Variants in PTPRN2 observed in about 807,000 individuals in gnomAD.
PTPRN2 encodes receptor-type tyrosine-protein phosphatase N2.
PTPRN2 carries 74 observed loss-of-function variants against 118.8 expected under a neutral mutation model. The ratio of observed to expected loss-of-function variants is 0.62; its 90% confidence interval spans 0.52 to 0.76. The LOEUF (loss-of-function observed/expected upper bound fraction) is 0.76, where lower values mean the gene tolerates loss of function less well. PTPRN2 is among the 30% of genes least tolerant of loss of function. The pLI is 0.00. For synonymous variants in PTPRN2, 641 were observed against 608.0 expected, an observed-to-expected ratio of 1.05 and a Z score of -0.80; for missense variants, 1,481 against 1,394.4, an observed-to-expected ratio of 1.06 and a Z score of -0.99.
intron 14 of PTPRN2, among the ~76,000 whole-genome samples, chr7:157,630,522 C>T (rs1220748745): frequency 2.0e-5 from 3 of 152,218 alleles, no homozygotes; most frequent in Non-Finnish European, 4.4e-5. Flanking sequence ...CCCGTCACGG[C>T]AGCACCTTTG....
chr7:157,932,334 G>A (rs1799408266), intron 11 of PTPRN2, among the ~76,000 whole-genome samples: 1 of 152,224 alleles, frequency 6.6e-6, no homozygotes, highest in Non-Finnish European at 1.5e-5. Flanking sequence ...GCCCACATGA[G>A]GCCCTGCATA....
At chr7:158,451,121 G>A (rs985687409) in intron 2 of PTPRN2, among the ~76,000 whole-genome samples, 10 of 152,184 alleles carry the variant, frequency 6.6e-5, no homozygotes, top group East Asian at 5.8e-4. Context: ...ACCATTTTAC[G>A]TATTTCTCAG....
chr7:157,541,695 G>C (rs1798021904), intron 22 of PTPRN2, among the ~76,000 whole-genome samples: 1 of 152,228 alleles, frequency 6.6e-6, no homozygotes, highest in African/African-American at 2.4e-5. Flanking sequence ...ACTTCTGGAA[G>C]GAAAGCCCTG....
intron 19 of PTPRN2, among the ~76,000 whole-genome samples, chr7:157,572,855 C>T (rs1034402332): frequency 6.6e-6 from 1 of 152,238 alleles, no homozygotes; most frequent in Non-Finnish European, 1.5e-5. Flanking sequence ...CAGGCACAAC[C>T]AGCAACGGCC....
At chr7:157,664,423 C>T (rs1204674351) in intron 13 of PTPRN2, among the ~76,000 whole-genome samples, 1 of 152,228 alleles carries the variant, frequency 6.6e-6, no homozygotes, top group Admixed American at 6.5e-5. Flanking sequence ...ACAGAAATGG[C>T]CATCGCCACT....
At chr7:157,891,297 G>A (rs1796785157) in intron 12 of PTPRN2, among the ~76,000 whole-genome samples, 1 of 152,174 alleles carries the variant, frequency 6.6e-6, no homozygotes, top group African/African-American at 2.4e-5. Context: ...GCACAGACAG[G>A]AAATGACAGG....
intron 10 of PTPRN2, among the ~76,000 whole-genome samples, chr7:158,082,419 AC>A (rs767206283): frequency 6.6e-6 from 1 of 151,968 alleles, no homozygotes; most frequent in Non-Finnish European, 1.5e-5. Context: ...CTCAGTCCCA[AC>A]CTCTGGTCTT....
intron 6 of PTPRN2, among the ~76,000 whole-genome samples, chr7:158,145,991 G>C (rs1306021852): frequency 6.6e-6 from 1 of 152,200 alleles, no homozygotes; most frequent in Non-Finnish European, 1.5e-5. Flanking sequence ...CATACTGTAA[G>C]TGCTTAATAA....
In PTPRN2 at chr7:158,563,064, C is replaced by G. The variant is rs1020301919; in HGVS notation, c.112+24494G>C. On this transcript the variant is annotated intron_variant, in intron 1 of 22. Coordinates refer to ENST00000389418, the MANE Select transcript of PTPRN2 (RefSeq NM_002847.5). The surrounding 1 kb of genome is among the most constrained non-coding windows in gnomAD (Gnocchi z 5.1). Reference sequence around the variant, plus strand: ...CTCCTGGTTTCAGAGAAATCAACCACGGCCACAGCCTCGTCCACATAGAGC... The same window carrying G: ...CTCCTGGTTTCAGAGAAATCAACCAGGGCCACAGCCTCGTCCACATAGAGC... Among the ~76,000 whole-genome samples, 1 of 152,272 alleles carries G rather than the reference C, an allele frequency of 6.6e-6. No individual in the cohort carries two copies. Among genetic ancestry groups the G allele is most frequent in the South Asian group, 2.1e-4 (1 of 4,820 alleles).
At chr7:158,128,802 C>G (rs77792406) in intron 9 of PTPRN2, among the ~76,000 whole-genome samples, 2,838 of 152,224 alleles carry the variant, frequency 0.019, 71 homozygotes, top group African/African-American at 0.057. Context: ...TACCCCGGGG[C>G]AGGGATGGGC....
chr7:157,948,685 A>G (rs553842637), intron 11 of PTPRN2, among the ~76,000 whole-genome samples: 1 of 152,332 alleles, frequency 6.6e-6, no homozygotes, highest in African/African-American at 2.4e-5. Flanking sequence ...AAGTATGACC[A>G]ACTACGGGTT....
chr7:158,584,908 T>C (rs946834744), intron 1 of PTPRN2, among the ~76,000 whole-genome samples: 1 of 152,220 alleles, frequency 6.6e-6, no homozygotes, highest in East Asian at 1.9e-4. Flanking sequence ...CAACCTCTAG[T>C]TCTAACCTAC....
In PTPRN2 at chr7:157,725,979, G is replaced by GT. The variant is rs1563043369; in HGVS notation, c.1789-43043_1789-43042insA. Among the ~76,000 whole-genome samples, 225 of 84,228 alleles carry GT rather than the reference G, an allele frequency of 2.7e-3. 8 individuals are homozygous for GT. Among genetic ancestry groups the GT allele is most frequent in the Middle Eastern group, 0.015 (2 of 136 alleles). The allele number at this position is 84,228 out of a possible 152,430, so 55.3% of individuals were successfully genotyped here. ...ACTGGATATCCACATGCAGAGGAGT[G>GT]AGCCAGACCCTCGCCTCCCAGGAGA... is the stretch of plus-strand genomic sequence containing the variant. On this transcript the variant is annotated intron_variant, in intron 12 of 22. Coordinates refer to ENST00000389418, the MANE Select transcript of PTPRN2 (RefSeq NM_002847.5).
intron 2 of PTPRN2, among the ~76,000 whole-genome samples, chr7:158,440,563 G>A (rs1022816637): frequency 2.6e-5 from 4 of 151,304 alleles, no homozygotes; most frequent in Non-Finnish European, 5.9e-5. Context: ...GGCGGCGGTG[G>A]TGGTGATAAT....
chr7:158,142,246 G>A (rs4909107), intron 6 of PTPRN2, among the ~76,000 whole-genome samples: 71,083 of 152,048 alleles, frequency 0.47, 17,643 homozygotes, highest in African/African-American at 0.65. Flanking sequence ...ACTCCAGGCC[G>A]CTGCCCTAGT....
chr7:157,566,648 G>A (rs181614769), intron 21 of PTPRN2, among the ~76,000 whole-genome samples: 334 of 152,324 alleles, frequency 2.2e-3, no homozygotes, highest in African/African-American at 5.0e-3. Context: ...GGCTGCATGC[G>A]TATTGTCCAA....
At chr7:157,932,567 G>T (rs1373130089) in intron 11 of PTPRN2, among the ~76,000 whole-genome samples, 2 of 152,068 alleles carry the variant, frequency 1.3e-5, no homozygotes, top group Non-Finnish European at 2.9e-5. Context: ...TTTAGAGTAG[G>T]GGTGAGTCAC....
intron 22 of PTPRN2, among the ~76,000 whole-genome samples, chr7:157,542,307 G>A (rs1236293077): frequency 6.6e-6 from 1 of 152,240 alleles, no homozygotes; most frequent in Non-Finnish European, 1.5e-5. Flanking sequence ...CCAGTGCCCT[G>A]AGGCTCTGTG....
At chr7:158,264,526 G>A (rs926780287) in intron 3 of PTPRN2, among the ~76,000 whole-genome samples, 4 of 152,188 alleles carry the variant, frequency 2.6e-5, no homozygotes, top group Non-Finnish European at 4.4e-5. Context: ...CACGTGACAT[G>A]TGCATGGGTA....
Sources: allele counts gnomAD v4.1 joint callset (sites outside exome capture counted in the v4.1 genomes callset), GRCh38; gene constraint gnomAD v4.1.1; non-coding constraint Gnocchi (gnomAD v3.1); transcripts MANE v1.5; gene names NCBI Gene and HGNC (gene_info 2026-07-23, HGNC 2026-07-21).